USP3: variants seen among roughly 807,000 people sequenced by gnomAD.
USP3 encodes ubiquitin specific peptidase 3.
In USP3, 20 loss-of-function variants were observed where a neutral mutation model predicts 72.3. The ratio of observed to expected loss-of-function variants is 0.28; its 90% CI spans 0.19 to 0.40. USP3 has a LOEUF of 0.40. Ranked by LOEUF, USP3 falls within the 10% of genes least tolerant of loss-of-function variation. USP3 has a pLI of 1.00. For missense variants in USP3, 479 were observed against 633.9 expected (o/e 0.76, Z 2.62); for synonymous variants, 222 against 225.3 (o/e 0.99, Z 0.13).
intron 11 of USP3, among the ~76,000 whole-genome samples, chr15:63,587,154 T>TAA (rs1202974583): frequency 6.6e-6 from 1 of 152,032 alleles, no homozygotes; most frequent in Non-Finnish European, 1.5e-5. Context: ...ACAAATGACA[T>TAA]AAAAGTCAGG....
intron 6 of USP3, 91 bp downstream of exon 6, chr15:63,558,279 A>G (rs1429484585): frequency 4.1e-5 from 58 of 1,422,806 alleles, no homozygotes; most frequent in Middle Eastern, 1.8e-4. Context: ...AACTCTAGTC[A>G]TATGGTTTGG....
intron 1 of USP3, among the ~76,000 whole-genome samples, chr15:63,522,015 C>T (rs1031986685): frequency 6.6e-6 from 1 of 152,122 alleles, no homozygotes; most frequent in Non-Finnish European, 1.5e-5. Flanking sequence ...TATCTTAGCT[C>T]ACAGCAGCCC....
chr15:63,546,776 T>C (rs1024199629), intron 3 of USP3, among the ~76,000 whole-genome samples: 1 of 151,536 alleles, frequency 6.6e-6, no homozygotes, highest in Non-Finnish European at 1.5e-5. Context: ...ATTTTTTGGG[T>C]GGGGGGTATT....
chr15:63,562,886 C>G lies in USP3; in HGVS notation c.648-9C>G, dbSNP rs2066630453. On this transcript the variant is annotated splice_polypyrimidine_tract_variant and intron_variant, in intron 7 of 14. Coordinates refer to ENST00000380324, the MANE Select transcript of USP3 (RefSeq NM_006537.4). ...TAATCTGAGGGCACTGTCCTTTCCT[C>G]TTTTGCAGGTCTTTGGTAGAAGAGT... is the stretch of plus-strand genomic sequence containing the variant. 3 of 1,594,822 alleles carry G rather than the reference C, an allele frequency of 1.9e-6. No homozygotes were observed. The highest frequency in any genetic ancestry group is 1.3e-5 in the African/African-American group (1 of 74,290).
chr15:63,504,656 A>G lies in USP3; in HGVS notation c.-84A>G. On this transcript the variant is annotated 5_prime_UTR_variant, in exon 1 of 15. Coordinates refer to ENST00000380324, the MANE Select transcript of USP3 (RefSeq NM_006537.4). ...GGCCGAGCGCCCGGCTAGAAGCGACACCAGACGGAGCCTCCGGAGTTCCTC... is the reference window on the plus strand; with the variant it reads ...GGCCGAGCGCCCGGCTAGAAGCGACGCCAGACGGAGCCTCCGGAGTTCCTC... 8.1e-7 allele frequency: 1 copy of G among 1,240,626 alleles called. No homozygotes were observed. Among genetic ancestry groups the G allele is most frequent in the Non-Finnish European group, 1.1e-6 (1 of 917,526 alleles). The allele number at this position is 1,240,626 out of a possible 1,614,324, so 76.9% of individuals were successfully genotyped here.
chr15:63,573,942 A>G, intron 9 of USP3, 104 bp from the exon 10 acceptor site: 1 of 634,154 alleles, frequency 1.6e-6, no homozygotes, highest in East Asian at 3.1e-5. Flanking sequence ...ATATTCCCTC[A>G]AAGGCAGTCA....
At chr15:63,541,459 G>A (rs983078708) in intron 3 of USP3, among the ~76,000 whole-genome samples, 13 of 152,032 alleles carry the variant, frequency 8.6e-5, no homozygotes, top group African/African-American at 3.1e-4. Flanking sequence ...TAGACAACAG[G>A]GAGAGTTTTG....
At chr15:63,568,013 T>C (rs1456170143) in intron 8 of USP3, among the ~76,000 whole-genome samples, 1 of 152,058 alleles carries the variant, frequency 6.6e-6, no homozygotes, top group Non-Finnish European at 1.5e-5. Flanking sequence ...GAGAAGGGGG[T>C]AATCTTTGTC....
chr15:63,536,568 T>C (rs1286279172), intron 2 of USP3, among the ~76,000 whole-genome samples: 1 of 152,082 alleles, frequency 6.6e-6, no homozygotes, highest in Non-Finnish European at 1.5e-5. Flanking sequence ...CCTACTCTTG[T>C]ATATAATTAA....
intron 11 of USP3, among the ~76,000 whole-genome samples, chr15:63,580,660 AAT>A (rs1353046835): frequency 0.012 from 1,375 of 113,022 alleles, 59 homozygotes; most frequent in African/African-American, 0.05. Context: ...ATGAATATAT[AAT>A]ATATATATGA....
chr15:63,549,657 T>C (rs987627613), intron 3 of USP3, among the ~76,000 whole-genome samples: 4 of 152,366 alleles, frequency 2.6e-5, no homozygotes, highest in African/African-American at 9.6e-5. Flanking sequence ...AATTTTAACG[T>C]AAATTGTTAT....
rs761371385 is a variant in USP3, at chr15:63,590,705, G to A, written c.1442G>A (p.Arg481His). Reference protein sequence around the residue: ...HYTAYATHEGRWFHFNDSTVT... With the variant: ...HYTAYATHEGHWFHFNDSTVT... ...ACAGCATACGCAACTCACGAAGGCC[G>A]CTGGTTCCACTTCAATGACAGTACT... The change falls in exon 15 of 15, where the codon CGC becomes CAC. Residue 481 changes from arginine (R) to histidine (H), a missense_variant. Transcript: ENST00000380324. The A allele has an allele frequency of 1.2e-5, 20 of 1,613,346 alleles. No homozygotes were observed. Among genetic ancestry groups the A allele is most frequent in the African/African-American group, 5.3e-5 (4 of 74,868 alleles).
At chr15:63,531,895 A>G (rs752287326) in intron 1 of USP3, among the ~76,000 whole-genome samples, 36 of 152,170 alleles carry the variant, frequency 2.4e-4, no homozygotes, top group Non-Finnish European at 4.0e-4. Context: ...CCCCACGCCA[A>G]TGTAGATAAC....
At chr15:63,586,297 A>G (rs558502988) in intron 11 of USP3, among the ~76,000 whole-genome samples, 68 of 152,256 alleles carry the variant, frequency 4.5e-4, no homozygotes, top group African/African-American at 1.5e-3. Flanking sequence ...TGAGTGTGAT[A>G]TTCACTGTGG....
intron 3 of USP3, among the ~76,000 whole-genome samples, chr15:63,540,750 G>T (rs975408257): frequency 6.3e-4 from 96 of 152,290 alleles, no homozygotes; most frequent in African/African-American, 2.2e-3. Flanking sequence ...AAAGCAGTGC[G>T]AAAAGGAATG....
At chr15:63,554,832 T>A (rs1185239862) in intron 4 of USP3, among the ~76,000 whole-genome samples, 5 of 152,240 alleles carry the variant, frequency 3.3e-5, no homozygotes, top group African/African-American at 1.2e-4. Flanking sequence ...GTTTAAGTAC[T>A]TCTTGGTTTG....
chr15:63,563,891 C>G (rs773668676), intron 8 of USP3, among the ~76,000 whole-genome samples: 8 of 152,100 alleles, frequency 5.3e-5, no homozygotes, highest in Non-Finnish European at 1.2e-4. Context: ...AAATTGTTGC[C>G]TTGCTAAAAA....
At chr15:63,518,779 T>A (rs947923703) in intron 1 of USP3, among the ~76,000 whole-genome samples, 2 of 152,272 alleles carry the variant, frequency 1.3e-5, no homozygotes, top group South Asian at 4.1e-4. Context: ...GTCTCTTTTT[T>A]TTTTGGGACG....
intron 2 of USP3, among the ~76,000 whole-genome samples, chr15:63,533,473 T>TAGC (rs2066109261): frequency 6.6e-6 from 1 of 152,162 alleles, no homozygotes; most frequent in Admixed American, 6.5e-5. Context: ...TTTTGCCTGG[T>TAGC]AGCAGCACAT....
Sources: gnomAD v4.1 joint callset for allele counts (sites outside exome capture counted in the v4.1 genomes callset) on GRCh38, gnomAD v4.1.1 for gene constraint, MANE v1.5 for transcripts, NCBI Gene and HGNC (gene_info 2026-07-23, HGNC 2026-07-21) for gene names.